Variants in ATG7 observed in about 807,000 individuals in gnomAD.
ATG7 encodes autophagy related 7.
Under a neutral mutation model 82.4 loss-of-function variants are expected in ATG7, and 70 were observed. The ratio of observed to expected loss-of-function variants is 0.85; its 90% confidence interval spans 0.70 to 1.04. The LOEUF is 1.04. Among genes scored for constraint, ATG7 ranks in the 50% least tolerant of loss-of-function variants. The pLI, the probability that ATG7 is intolerant of heterozygous loss-of-function variation, is 0.00. For synonymous variants in ATG7, 287 were observed against 313.0 expected (o/e 0.92, Z 0.88); for missense variants, 792 against 864.3 (o/e 0.92, Z 1.05).
At chr3:11,471,706 A>C (rs2087538506) in intron 20 of ATG7, among the ~76,000 whole-genome samples, 1 of 144,694 alleles carries the variant, frequency 6.9e-6, no homozygotes, top group Non-Finnish European at 1.5e-5. Context: ...TTTTTTTTAG[A>C]ACTCAGAAAA....
intron 20 of ATG7, among the ~76,000 whole-genome samples, chr3:11,467,477 A>G (rs953915659): frequency 2.6e-5 from 4 of 152,102 alleles, no homozygotes; most frequent in Non-Finnish European, 4.4e-5. Context: ...CCCAGCTTCA[A>G]GCGATTCTTC....
intron 20 of ATG7, among the ~76,000 whole-genome samples, chr3:11,469,630 G>A (rs1462719703): frequency 1.3e-5 from 2 of 152,050 alleles, no homozygotes; most frequent in South Asian, 2.1e-4. Flanking sequence ...GAGTATTGAC[G>A]TTCCTCTTCT....
At chr3:11,341,306 T>G (rs1042814544) in intron 12 of ATG7, among the ~76,000 whole-genome samples, 2 of 151,946 alleles carry the variant, frequency 1.3e-5, no homozygotes, top group Non-Finnish European at 2.9e-5. Context: ...GTGATCCACC[T>G]GCCTCGGCCT....
chr3:11,278,772 A>T (rs1053157096), intron 1 of ATG7, among the ~76,000 whole-genome samples: 6 of 152,248 alleles, frequency 3.9e-5, no homozygotes, highest in African/African-American at 1.4e-4. Context: ...TTCCTTTCTC[A>T]TAGAATTTTT....
intron 5 of ATG7, among the ~76,000 whole-genome samples, chr3:11,302,969 G>A (rs1050914215): frequency 4.4e-4 from 67 of 152,224 alleles, no homozygotes; most frequent in African/African-American, 1.6e-3. Context: ...ACCCAAAAAT[G>A]TAAGGGCCCA....
At chr3:11,475,062 T>TG (rs2087986276) in intron 20 of ATG7, among the ~76,000 whole-genome samples, 1 of 150,328 alleles carries the variant, frequency 6.7e-6, no homozygotes, top group South Asian at 2.1e-4. Flanking sequence ...GGCCACTGTG[T>TG]GGGGAATGGA....
chr3:11,323,004 C>G (rs1575441820), intron 9 of ATG7, among the ~76,000 whole-genome samples: 1 of 152,166 alleles, frequency 6.6e-6, no homozygotes, highest in East Asian at 1.9e-4. Context: ...AAGGCTGAGG[C>G]AGGAAGATTC....
chr3:11,348,711 G>T (rs930508552), intron 14 of ATG7: 1 of 152,314 alleles, frequency 6.6e-6, no homozygotes, highest in Non-Finnish European at 1.5e-5. Context: ...GCTGGCTGGG[G>T]TGGCCAGTTT....
intron 19 of ATG7, among the ~76,000 whole-genome samples, chr3:11,407,854 A>G (rs918209605): frequency 1.3e-5 from 2 of 151,764 alleles, no homozygotes; most frequent in African/African-American, 4.8e-5. Context: ...CCTTGAAACC[A>G]TTTTTTCCTC....
the ATG7 span, among the ~76,000 whole-genome samples, chr3:11,569,762 G>C: frequency 2.0e-5 from 3 of 152,202 alleles, no homozygotes; most frequent in Admixed American, 6.5e-5. Context: ...TGCACCTGTG[G>C]TCCCAGCTAC....
chr3:11,425,628 GTCTCC>G (rs1176636807), intron 19 of ATG7, among the ~76,000 whole-genome samples: 1 of 151,994 alleles, frequency 6.6e-6, no homozygotes, highest in Non-Finnish European at 1.5e-5. Context: ...TGTTCTCCTA[GTCTCC>G]TCTCAAGTGT....
intron 20 of ATG7, among the ~76,000 whole-genome samples, chr3:11,485,086 A>G (rs1289897877): frequency 2.6e-5 from 4 of 152,182 alleles, no homozygotes; most frequent in South Asian, 2.1e-4. Context: ...GTCAAATGGT[A>G]TTTCTAGTTC....
At chr3:11,567,828 A>G in the ATG7 span, among the ~76,000 whole-genome samples, 44 of 152,240 alleles carry the variant, frequency 2.9e-4, no homozygotes, top group Non-Finnish European at 5.3e-4. Context: ...ATTCAGATAA[A>G]GATACAATTT....
intron 20 of ATG7, among the ~76,000 whole-genome samples, chr3:11,547,097 T>C (rs1468033653): frequency 6.6e-6 from 1 of 152,182 alleles, no homozygotes; most frequent in Non-Finnish European, 1.5e-5. Context: ...AGGCGGTGAA[T>C]GGAAGAGTGT....
intron 20 of ATG7, among the ~76,000 whole-genome samples, chr3:11,456,219 A>C (rs539294964): frequency 6.6e-6 from 1 of 152,194 alleles, no homozygotes; most frequent in East Asian, 1.9e-4. Context: ...TGAACATCTC[A>C]TATAAATGGA....
At chr3:11,536,174 T>G (rs2070274114) in intron 20 of ATG7, among the ~76,000 whole-genome samples, 1 of 151,918 alleles carries the variant, frequency 6.6e-6, no homozygotes, top group East Asian at 1.9e-4. Context: ...GCCAGGGGAG[T>G]GGGATTGGAG....
intron 20 of ATG7, among the ~76,000 whole-genome samples, chr3:11,552,222 G>C (rs1575304403): frequency 6.6e-6 from 1 of 152,200 alleles, no homozygotes; most frequent in East Asian, 1.9e-4. Flanking sequence ...TACCTACAAA[G>C]AGATCATTTT....
chr3:11,513,637 C>T (rs781547975), intron 20 of ATG7, among the ~76,000 whole-genome samples: 19 of 152,236 alleles, frequency 1.2e-4, no homozygotes, highest in Non-Finnish European at 2.4e-4. Context: ...TCCACACCTC[C>T]CTGCAAGCTG....
At chr3:11,288,292 A>T (rs1490293764) in intron 3 of ATG7, among the ~76,000 whole-genome samples, 1 of 152,230 alleles carries the variant, frequency 6.6e-6, no homozygotes, top group Admixed American at 6.5e-5. Flanking sequence ...AATTTATCTT[A>T]CTATATAGCA....
Sources: gnomAD v4.1 joint callset for allele counts (sites outside exome capture counted in the v4.1 genomes callset) on GRCh38, gnomAD v4.1.1 for gene constraint, MANE v1.5 for transcripts, NCBI Gene and HGNC (gene_info 2026-07-23, HGNC 2026-07-21) for gene names.